Variants in SGMS1 observed in about 807,000 individuals in gnomAD.
The protein encoded by SGMS1 is phosphatidylcholine:ceramide cholinephosphotransferase 1.
In SGMS1, 13 loss-of-function variants were observed where a neutral mutation model predicts 46.2. That is an observed-to-expected ratio of 0.28 (90% CI 0.18 to 0.45). The LOEUF is 0.45. Ranked by LOEUF, SGMS1 falls within the 20% of genes least tolerant of loss-of-function variation. The pLI is 1.00. For missense variants in SGMS1, 324 were observed against 519.9 expected (o/e 0.62, Z 3.66); for synonymous variants, 203 against 187.8 (o/e 1.08, Z -0.66).
chr10:50,603,392 T>A (rs2131914185), intron 1 of SGMS1, among the ~76,000 whole-genome samples: 2 of 152,308 alleles, frequency 1.3e-5, no homozygotes, highest in Middle Eastern at 3.4e-3. Context: ...ACACCTTGGT[T>A]TTGTTTTCAT....
chr10:50,441,108 G>C (rs555089074), intron 5 of SGMS1, among the ~76,000 whole-genome samples: 1 of 152,188 alleles, frequency 6.6e-6, no homozygotes, highest in Admixed American at 6.5e-5. Flanking sequence ...GTGTTAGTGG[G>C]AAACCTCCAC....
chr10:50,511,951 G>A (rs1009116706), intron 3 of SGMS1, among the ~76,000 whole-genome samples: 4 of 152,038 alleles, frequency 2.6e-5, no homozygotes, highest in Admixed American at 2.0e-4. Flanking sequence ...ACTCATCTCC[G>A]TATCTCCTGG....
At chr10:50,476,552 C>T (rs1218077330) in intron 3 of SGMS1, among the ~76,000 whole-genome samples, 7 of 152,118 alleles carry the variant, frequency 4.6e-5, no homozygotes, top group East Asian at 1.9e-4. Context: ...AGGAGCTGAA[C>T]GTTAATAGCC....
intron 9 of SGMS1, among the ~76,000 whole-genome samples, chr10:50,310,436 G>A (rs1386581070): frequency 6.6e-6 from 1 of 152,194 alleles, no homozygotes; most frequent in Non-Finnish European, 1.5e-5. Flanking sequence ...CAATTAAAGT[G>A]AATGGACCAA....
intron 2 of SGMS1, among the ~76,000 whole-genome samples, chr10:50,581,802 C>T (rs1838437524): frequency 6.6e-6 from 1 of 152,190 alleles, no homozygotes; most frequent in Admixed American, 6.5e-5. Context: ...CATCCTCCAT[C>T]TAAAGAAACA....
intron 5 of SGMS1, among the ~76,000 whole-genome samples, chr10:50,445,836 T>C (rs1485995492): frequency 6.6e-6 from 1 of 152,198 alleles, no homozygotes; most frequent in Non-Finnish European, 1.5e-5. Flanking sequence ...CAGAGCCATA[T>C]TTCTCTTCTT....
At chr10:50,390,003 G>A (rs1848742501) in intron 6 of SGMS1, among the ~76,000 whole-genome samples, 1 of 152,096 alleles carries the variant, frequency 6.6e-6, no homozygotes, top group South Asian at 2.1e-4. Flanking sequence ...GCCTATTGTT[G>A]AAAATATTCC....
intron 8 of SGMS1, among the ~76,000 whole-genome samples, chr10:50,320,408 T>C (rs1847421673): frequency 6.6e-6 from 1 of 152,198 alleles, no homozygotes; most frequent in East Asian, 1.9e-4. Context: ...AACATTTGAA[T>C]TCGTATCTGG....
chr10:50,476,991 C>T (rs993219035), intron 3 of SGMS1, among the ~76,000 whole-genome samples: 2 of 152,240 alleles, frequency 1.3e-5, no homozygotes, highest in South Asian at 4.1e-4. Flanking sequence ...GGGTTGGAGC[C>T]CCCACACAGA....
intron 6 of SGMS1, among the ~76,000 whole-genome samples, chr10:50,384,840 T>C (rs1335881911): frequency 6.6e-6 from 1 of 152,154 alleles, no homozygotes; most frequent in Non-Finnish European, 1.5e-5. Flanking sequence ...GTCCTTTATA[T>C]TATCAACTTA....
intron 8 of SGMS1, among the ~76,000 whole-genome samples, chr10:50,322,898 G>T (rs948503407): frequency 6.6e-6 from 1 of 150,946 alleles, no homozygotes; most frequent in Non-Finnish European, 1.5e-5. Context: ...TGGAACACAC[G>T]GTCTTTGGAG....
intron 1 of SGMS1, among the ~76,000 whole-genome samples, chr10:50,617,354 A>C (rs1346802830): frequency 1.3e-5 from 2 of 152,214 alleles, no homozygotes; most frequent in Non-Finnish European, 2.9e-5. Flanking sequence ...ATTTACATAA[A>C]ATTCTAGAAA....
chr10:50,575,669 C>T (rs951412354), intron 2 of SGMS1, among the ~76,000 whole-genome samples: 1 of 147,536 alleles, frequency 6.8e-6, no homozygotes, highest in Admixed American at 6.9e-5. Flanking sequence ...TTTATTATCT[C>T]GACTGTGGTG....
chr10:50,604,094 G>A (rs973068330), intron 1 of SGMS1, among the ~76,000 whole-genome samples: 3 of 152,002 alleles, frequency 2.0e-5, no homozygotes, highest in African/African-American at 4.8e-5. Flanking sequence ...GTGCAAAAAC[G>A]GCACTGTACA....
intron 3 of SGMS1, among the ~76,000 whole-genome samples, chr10:50,502,340 A>C (rs974663470): frequency 6.6e-6 from 1 of 150,840 alleles, no homozygotes; most frequent in Non-Finnish European, 1.5e-5. Context: ...CAGCAGGAGA[A>C]GTCAGTAAAG....
At chr10:50,459,054 T>C (rs1176955164) in intron 5 of SGMS1, among the ~76,000 whole-genome samples, 1 of 152,166 alleles carries the variant, frequency 6.6e-6, no homozygotes, top group Non-Finnish European at 1.5e-5. Flanking sequence ...TGGAAGAATA[T>C]TTCTGGCAAA....
chr10:50,575,454 G>A (rs1361419259), intron 2 of SGMS1, among the ~76,000 whole-genome samples: 1 of 152,114 alleles, frequency 6.6e-6, no homozygotes, highest in Non-Finnish European at 1.5e-5. Context: ...GCTGAGGCAG[G>A]AGGATCCCTT....
At chr10:50,610,916 T>C (rs892248492) in intron 1 of SGMS1, among the ~76,000 whole-genome samples, 9 of 152,176 alleles carry the variant, frequency 5.9e-5, no homozygotes, top group African/African-American at 2.2e-4. Flanking sequence ...AGGCTAGAGA[T>C]GGAGGCCATC....
At chr10:50,624,518 C>A (rs1373295597), upstream of SGMS1, 1 of 908,198 alleles carries the variant, frequency 1.1e-6, no homozygotes, top group Admixed American at 6.2e-5. Flanking sequence ...CTGGCGACGC[C>A]TGGGAGCGCG....
Sources: allele counts gnomAD v4.1 joint callset (sites outside exome capture counted in the v4.1 genomes callset), GRCh38; gene constraint gnomAD v4.1.1; transcripts MANE v1.5; gene names NCBI Gene and HGNC (gene_info 2026-07-23, HGNC 2026-07-21).